The following ATL1 variants were observed in gnomAD, a reference collection of about 807,000 sequenced individuals.
ATL1 encodes atlastin GTPase 1.
ATL1 carries 31 observed loss-of-function variants against 75.5 expected under a neutral mutation model. The observed-to-expected ratio is 0.41, with a 90% CI of 0.31 to 0.55. The LOEUF (loss-of-function observed/expected upper bound fraction) is 0.55. Ranked by LOEUF, ATL1 falls within the 20% of genes least tolerant of loss-of-function variation. The pLI is 0.27. For missense variants in ATL1, 405 were observed against 662.6 expected (o/e 0.61, Z 4.27); for synonymous variants, 226 against 233.3 (o/e 0.97, Z 0.28).
At chr14:50,576,945 C>T (rs532262635) in intron 1 of ATL1, among the ~76,000 whole-genome samples, 86 of 152,042 alleles carry the variant, frequency 5.7e-4, no homozygotes, top group African/African-American at 1.9e-3. Context: ...GAGTCGAGTA[C>T]ATAATATTTG....
chr14:50,574,133 G>A (rs936944835), intron 1 of ATL1, among the ~76,000 whole-genome samples: 36 of 152,068 alleles, frequency 2.4e-4, no homozygotes, highest in Admixed American at 1.8e-3. Flanking sequence ...CTTATACTCC[G>A]TGCCTGTTCC....
intron 6 of ATL1, among the ~76,000 whole-genome samples, chr14:50,598,758 A>T (rs902534877): frequency 2.0e-5 from 3 of 152,354 alleles, no homozygotes; most frequent in Admixed American, 6.5e-5. Flanking sequence ...CACAGATACA[A>T]GAGCAAAGCT....
At chr14:50,585,992 T>C (rs977021129) in intron 1 of ATL1, among the ~76,000 whole-genome samples, 5 of 152,190 alleles carry the variant, frequency 3.3e-5, no homozygotes, top group Admixed American at 1.3e-4. Context: ...ATATTTTCAG[T>C]ATTTCAATAG....
intron 1 of ATL1, among the ~76,000 whole-genome samples, chr14:50,576,293 T>C (rs1445190287): frequency 6.9e-6 from 1 of 144,062 alleles, no homozygotes; most frequent in Non-Finnish European, 1.5e-5. Flanking sequence ...TTTCAACATA[T>C]ATTTTCAACG....
At chr14:50,602,663 A>G (rs942395787) in intron 6 of ATL1, among the ~76,000 whole-genome samples, 8 of 152,060 alleles carry the variant, frequency 5.3e-5, no homozygotes, top group African/African-American at 1.9e-4. Context: ...AGTGGTCACG[A>G]AGTTCCTGAG....
At chr14:50,572,699 T>C (rs1407223920) in intron 1 of ATL1, among the ~76,000 whole-genome samples, 1 of 152,202 alleles carries the variant, frequency 6.6e-6, no homozygotes, top group East Asian at 1.9e-4. Flanking sequence ...GCTTTTCTTC[T>C]TTTTCTGATC....
chr14:50,590,903 A>G (rs1173108776), intron 2 of ATL1, 38 bp from the exon 3 acceptor site: 3 of 1,603,078 alleles, frequency 1.9e-6, no homozygotes, highest in East Asian at 2.2e-5. Flanking sequence ...CTATATACAC[A>G]TATCAAGTTC....
At chr14:50,620,843 T>TA in intron 9 of ATL1, 117 bp downstream of exon 9, 1 of 1,234,542 alleles carries the variant, frequency 8.1e-7, no homozygotes, top group Non-Finnish European at 1.1e-6. Context: ...GAGGAATCTA[T>TA]AAAAAGGATT....
intron 8 of ATL1, among the ~76,000 whole-genome samples, chr14:50,616,515 G>T (rs925775091): frequency 1.5e-4 from 23 of 150,966 alleles, no homozygotes; most frequent in African/African-American, 5.4e-4. Context: ...TTGCAGAGAT[G>T]GGGGTTTCAC....
At chr14:50,550,065 T>A (rs750337136) in intron 1 of ATL1, among the ~76,000 whole-genome samples, 1 of 152,144 alleles carries the variant, frequency 6.6e-6, no homozygotes, top group Admixed American at 6.5e-5. Flanking sequence ...GGAGGGTGAA[T>A]GAAGGCTGCT....
At chr14:50,630,908 T>C in intron 13 of ATL1, 1 of 455,314 alleles carries the variant, frequency 2.2e-6, no homozygotes, top group South Asian at 1.6e-5. Flanking sequence ...AACAATACTA[T>C]GTTGCACCAA....
intron 6 of ATL1, among the ~76,000 whole-genome samples, chr14:50,610,609 C>T (rs898761414): frequency 1.3e-5 from 2 of 152,074 alleles, no homozygotes; most frequent in African/African-American, 4.8e-5. Context: ...TAAAGCCAAA[C>T]AACTTTGAAT....
At chr14:50,620,763 T>C in intron 9 of ATL1, 37 bp downstream of exon 9, 1 of 1,609,582 alleles carries the variant, frequency 6.2e-7, no homozygotes, top group Non-Finnish European at 8.5e-7. Flanking sequence ...GTGGGATAGA[T>C]TTGACATATA....
At chr14:50,623,533 T>G (rs528702591) in intron 11 of ATL1, among the ~76,000 whole-genome samples, 1 of 152,074 alleles carries the variant, frequency 6.6e-6, no homozygotes, top group Admixed American at 6.6e-5. Flanking sequence ...TAAAATCTAG[T>G]AGCCAAAATA....
chr14:50,571,555 C>A (rs1480126995), intron 1 of ATL1, among the ~76,000 whole-genome samples: 6 of 152,120 alleles, frequency 3.9e-5, no homozygotes, highest in Non-Finnish European at 8.8e-5. Flanking sequence ...TGAATTTTAA[C>A]AAATGCCTTT....
At chr14:50,559,552 A>G (rs1194218555), upstream of ATL1, 1 of 152,234 alleles carries the variant, frequency 6.6e-6, no homozygotes, top group Admixed American at 6.5e-5. Flanking sequence ...TCTGGACCTT[A>G]TCTTTGCAAA....
At chr14:50,540,766 T>C (rs1349820598) in intron 1 of ATL1, among the ~76,000 whole-genome samples, 1 of 152,194 alleles carries the variant, frequency 6.6e-6, no homozygotes, top group African/African-American at 2.4e-5. Context: ...ACATTAGGTT[T>C]CTAGGGAGCT....
At chr14:50,623,713 G>T (rs1023553042) in intron 11 of ATL1, among the ~76,000 whole-genome samples, 5 of 151,720 alleles carry the variant, frequency 3.3e-5, no homozygotes, top group African/African-American at 1.2e-4. Context: ...AATAATTATT[G>T]TGTATATGTA....
At chr14:50,631,306 G>C (rs2039578515) in intron 13 of ATL1, among the ~76,000 whole-genome samples, 1 of 150,774 alleles carries the variant, frequency 6.6e-6, no homozygotes, top group Non-Finnish European at 1.5e-5. Context: ...CAGATCCAAA[G>C]AAAGTAGGTA....
Sources: allele counts gnomAD v4.1 joint callset (sites outside exome capture counted in the v4.1 genomes callset), GRCh38; gene constraint gnomAD v4.1.1; transcripts MANE v1.5; gene names NCBI Gene and HGNC (gene_info 2026-07-23, HGNC 2026-07-21).